Variants in RETREG1 observed in about 807,000 individuals in gnomAD.
RETREG1 encodes the protein reticulophagy regulator 1.
In RETREG1, 44 loss-of-function variants were observed where a neutral mutation model predicts 54.8. The observed-to-expected ratio is 0.80, with a 90% CI of 0.63 to 1.03. The LOEUF is 1.03. Ranked by LOEUF, RETREG1 falls within the 50% of genes least tolerant of loss-of-function variation. The probability of loss-of-function intolerance (pLI) is 0.00; values close to 1 mark genes in which losing one functional copy is unlikely to be tolerated. For missense variants in RETREG1, 554 were observed against 605.1 expected (o/e 0.92, Z 0.89); for synonymous variants, 217 against 238.5 (o/e 0.91, Z 0.83).
chr5:16,547,354 A>T (rs1352012588), intron 3 of RETREG1, among the ~76,000 whole-genome samples: 1 of 152,240 alleles, frequency 6.6e-6, no homozygotes, highest in South Asian at 2.1e-4. Flanking sequence ...CGAGGAAAAC[A>T]TAGATGACTA....
chr5:16,489,768 C>T (rs1324351533), intron 3 of RETREG1, among the ~76,000 whole-genome samples: 1 of 152,164 alleles, frequency 6.6e-6, no homozygotes, highest in East Asian at 1.9e-4. Context: ...ACTGGTGATA[C>T]ATGAAACTCA....
At chr5:16,480,082 T>C (rs1738701396) in intron 5 of RETREG1, among the ~76,000 whole-genome samples, 1 of 152,078 alleles carries the variant, frequency 6.6e-6, no homozygotes, top group South Asian at 2.1e-4. Context: ...TGAACATGTC[T>C]ACCAGTAGAC....
At chr5:16,500,150 A>G (rs1780344029) in intron 3 of RETREG1, among the ~76,000 whole-genome samples, 1 of 152,160 alleles carries the variant, frequency 6.6e-6, no homozygotes. Context: ...GAGCAACACA[A>G]CTGTCCTCTT....
At chr5:16,615,706 T>C (rs1743485617) in intron 1 of RETREG1, among the ~76,000 whole-genome samples, 1 of 152,206 alleles carries the variant, frequency 6.6e-6, no homozygotes, top group Non-Finnish European at 1.5e-5. Context: ...AAAATATTCA[T>C]CTTGCTCAAG....
At chr5:16,526,916 G>A (rs762830296) in intron 3 of RETREG1, among the ~76,000 whole-genome samples, 2 of 152,184 alleles carry the variant, frequency 1.3e-5, no homozygotes, top group Non-Finnish European at 2.9e-5. Flanking sequence ...CTTTGCTACA[G>A]ACAACTAACA....
rs1742826042 is a variant in RETREG1 at position 16,593,340 on chromosome 5, T to C, written c.321-21238A>G. On this transcript the variant is annotated intron_variant, in intron 1 of 8. Coordinates refer to ENST00000306320, the MANE Select transcript of RETREG1 (RefSeq NM_001034850.3). This position sits in a 1 kb window ranked among gnomAD's most constrained non-coding sequence, Gnocchi z 4.9. ...CTTCCCTACCCCATACTACAAGCTC[T>C]GTGAGAGAAGGGACCATCTCTCCTG... 6.6e-6 allele frequency among the ~76,000 whole-genome samples: 1 copy of C among 152,180 alleles called. No homozygotes were observed. Among genetic ancestry groups the C allele is most frequent in the Admixed American group, 6.5e-5 (1 of 15,270 alleles).
chr5:16,474,655 A>G lies in RETREG1; in HGVS notation c.*86T>C. The G allele has an allele frequency of 2.0e-6, 3 of 1,499,656 alleles. No individual in the cohort carries two copies. The highest frequency in any genetic ancestry group is 2.7e-6 in the Non-Finnish European group (3 of 1,117,536). The allele number at this position is 1,499,656 out of a possible 1,614,324, so 92.9% of individuals were successfully genotyped here. ...AGTAATCATTAAAGCTTACAGTTCA[A>G]TTTTTTTCTTTTCCTTTTTTTTTTT... On this transcript the variant is annotated 3_prime_UTR_variant, in exon 9 of 9. Transcript: ENST00000306320.
chr5:16,598,458 G>A (rs908034988), intron 1 of RETREG1, among the ~76,000 whole-genome samples: 11 of 152,310 alleles, frequency 7.2e-5, no homozygotes, highest in South Asian at 6.2e-4. Context: ...AACCAGGGCC[G>A]TGTTACTCAC....
chr5:16,609,595 A>G (rs1743284250), intron 1 of RETREG1, among the ~76,000 whole-genome samples: 1 of 152,156 alleles, frequency 6.6e-6, no homozygotes, highest in Non-Finnish European at 1.5e-5. Flanking sequence ...CACCTAAGGA[A>G]TGCTGCATTC....
At chr5:16,516,962 T>C (rs1451674738) in intron 3 of RETREG1, among the ~76,000 whole-genome samples, 1 of 146,418 alleles carries the variant, frequency 6.8e-6, no homozygotes, top group Non-Finnish European at 1.5e-5. Context: ...AAAAAAAAAA[T>C]CATAAGATTT....
In RETREG1 at chr5:16,484,462, A is replaced by C. The variant is rs541734570; in HGVS notation, c.459-990T>G. Among the ~76,000 whole-genome samples the C allele has an allele frequency of 3.3e-5, 5 of 152,264 alleles. No homozygotes were observed. In the South Asian group the frequency reaches 1.0e-3, roughly 32 times the overall value. On this transcript the variant is annotated intron_variant, in intron 3 of 8. Transcript: ENST00000306320. ...AGAGCTATGGATATGGCAATAACAA[A>C]AGCAGCAAAGTTTCTAGAAGAAGAC...
chr5:16,553,082 G>T (rs1417928901), intron 3 of RETREG1, among the ~76,000 whole-genome samples: 1 of 152,104 alleles, frequency 6.6e-6, no homozygotes, highest in African/African-American at 2.4e-5. Flanking sequence ...TTCTGGCTTT[G>T]GGAACTGTTC....
Position 16,474,689 on chromosome 5 carries a change from G to GTTTTTTTT in RETREG1, c.*51_*52insAAAAAAAA. On this transcript the variant is annotated 3_prime_UTR_variant, in exon 9 of 9. Coordinates refer to ENST00000306320, the MANE Select transcript of RETREG1 (RefSeq NM_001034850.3). ...TTTTCCTTTTTTTTTTTTTTTTCTT[G>GTTTTTTTT]TTTGAAATTTTTTTGGTGTTTTTTG... 9.1e-7 allele frequency: 1 copy of GTTTTTTTT among 1,096,478 alleles called. No homozygotes were observed. Among genetic ancestry groups the GTTTTTTTT allele is most frequent in the Non-Finnish European group, 1.2e-6 (1 of 841,778 alleles). 67.9% of individuals were successfully genotyped at this position (1,096,478 alleles called of 1,614,324 possible). A position where few individuals can be genotyped will look rare whatever the true frequency, so the allele number is the denominator to read the frequency against.
chr5:16,527,800 A>ATTTTTTTTTTTTTT (rs386403108), intron 3 of RETREG1, among the ~76,000 whole-genome samples: 1,267 of 66,258 alleles, frequency 0.019, 330 homozygotes, highest in Middle Eastern at 0.091. Context: ...AGGGACTCTA[A>ATTTTTTTTTTTTTT]TTTTTTTTTT....
At chr5:16,592,716 A>G (rs1742807523) in intron 1 of RETREG1, among the ~76,000 whole-genome samples, 1 of 120,362 alleles carries the variant, frequency 8.3e-6, no homozygotes, top group African/African-American at 2.6e-5. Flanking sequence ...CTATGCAGCC[A>G]TAAAAAAAAA....
chr5:16,609,680 G>A (rs1743286572), intron 1 of RETREG1, among the ~76,000 whole-genome samples: 2 of 152,110 alleles, frequency 1.3e-5, no homozygotes, highest in African/African-American at 4.8e-5. Context: ...GAGTGGAAGG[G>A]CCCAGGATTT....
chr5:16,574,787 T>C (rs1168899987), intron 1 of RETREG1, among the ~76,000 whole-genome samples: 2 of 152,262 alleles, frequency 1.3e-5, no homozygotes, highest in Non-Finnish European at 2.9e-5. Flanking sequence ...CACCAAGCAC[T>C]GTGCTACCAA....
Position 16,478,933 on chromosome 5 carries a change from AT to A in RETREG1, c.724del (p.Ile242PhefsTer10). 5.0e-6 allele frequency: 8 copies of A among 1,612,222 alleles called. No individual in the cohort carries two copies. Among genetic ancestry groups the A allele is most frequent in the Non-Finnish European group, 6.8e-6 (8 of 1,178,822 alleles). On this transcript the variant is annotated frameshift_variant, in exon 6 of 9. Transcript: ENST00000306320. LOFTEE classifies it high-confidence loss of function. ...CAGAACTGACTTAATTTTGCTGTAAATTTTTTGTCCAATATCATTACATTTA... is the reference window on the plus strand; with the variant it reads ...CAGAACTGACTTAATTTTGCTGTAAATTTTTGTCCAATATCATTACATTTA... ...LFKCNDIGQK[I>X]YSKIKSVLLK...
At chr5:16,529,366 G>A (rs1740840102) in intron 3 of RETREG1, among the ~76,000 whole-genome samples, 2 of 152,188 alleles carry the variant, frequency 1.3e-5, no homozygotes, top group African/African-American at 4.8e-5. Context: ...GAGGAATGGG[G>A]AACGTTGTTT....
Sources: allele counts gnomAD v4.1 joint callset (sites outside exome capture counted in the v4.1 genomes callset), GRCh38; gene constraint gnomAD v4.1.1; non-coding constraint Gnocchi (gnomAD v3.1); transcripts MANE v1.5; gene names NCBI Gene and HGNC (gene_info 2026-07-23, HGNC 2026-07-21).